RANGAP1: variants seen among roughly 807,000 people sequenced by gnomAD.
The protein encoded by RANGAP1 is ran GTPase-activating protein 1.
A neutral mutation model predicts 63.5 loss-of-function variants in RANGAP1; 38 were observed. That is an observed-to-expected ratio of 0.60 (90% CI 0.46 to 0.78). RANGAP1 has a LOEUF of 0.78. Among genes scored for constraint, RANGAP1 ranks in the 30% least tolerant of loss-of-function variants. RANGAP1 has a pLI of 0.00. For synonymous variants in RANGAP1, 329 were observed against 310.5 expected (o/e 1.06, Z -0.63); for missense variants, 630 against 740.3 (o/e 0.85, Z 1.73).
intron 1 of RANGAP1, chr22:41,285,686 G>A (rs1252321836): frequency 3.0e-6 from 3 of 985,116 alleles, no homozygotes; most frequent in African/African-American, 1.7e-5. Flanking sequence ...ATCCCCGGCG[G>A]ACTCGCACCG....
chr22:41,280,798 C>T (rs757943525), intron 2 of RANGAP1, 135 bp downstream of exon 2: 122 of 1,526,658 alleles, frequency 8.0e-5, no homozygotes, highest in Non-Finnish European at 9.5e-5. Flanking sequence ...TTAGAATAGG[C>T]CCAATGATAC....
chr22:41,270,424 C>T (rs1283545099), intron 3 of RANGAP1, among the ~76,000 whole-genome samples: 1 of 152,174 alleles, frequency 6.6e-6, no homozygotes, highest in African/African-American at 2.4e-5. Context: ...GGATTATAGG[C>T]ATGAGAGCCA....
chr22:41,283,442 G>C (rs2035599386), intron 1 of RANGAP1, among the ~76,000 whole-genome samples: 1 of 152,164 alleles, frequency 6.6e-6, no homozygotes, highest in South Asian at 2.1e-4. Context: ...CCGGGAGGCG[G>C]AGGTTGCAGT....
At chr22:41,249,656 G>A in intron 14 of RANGAP1, 73 bp downstream of exon 14, 1 of 1,555,984 alleles carries the variant, frequency 6.4e-7, no homozygotes, top group Non-Finnish European at 8.8e-7. Context: ...GAGGTTGGCG[G>A]GCATGGCTGG....
intron 10 of RANGAP1, 66 bp downstream of exon 10, chr22:41,255,955 A>G: frequency 6.7e-7 from 1 of 1,493,512 alleles, no homozygotes; most frequent in Non-Finnish European, 9.2e-7. Flanking sequence ...CTCCATCTCA[A>G]GAACAAAAGA....
At chr22:41,283,089 A>G (rs2035578337) in intron 1 of RANGAP1, among the ~76,000 whole-genome samples, 1 of 152,000 alleles carries the variant, frequency 6.6e-6, no homozygotes. Flanking sequence ...TCAAAAACAC[A>G]TTGATTACTA....
At chr22:41,297,008 C>A in the RANGAP1 span, among the ~76,000 whole-genome samples, 27 of 152,240 alleles carry the variant, frequency 1.8e-4, no homozygotes, top group African/African-American at 6.0e-4. Flanking sequence ...ATCAGGAGTT[C>A]AAGGCCAACC....
At position 41,283,279 on chromosome 22, in the gene RANGAP1, G is replaced by A. The variant is rs548406162; in HGVS notation, c.-38-2197C>T. ...TAATCTCAGCACTTTGGGAGACCGAGGCAGGTGGATCACGAGGTCAGGAGT... is the reference window on the plus strand; with the variant it reads ...TAATCTCAGCACTTTGGGAGACCGAAGCAGGTGGATCACGAGGTCAGGAGT... On this transcript the variant is annotated intron_variant, in intron 1 of 15. Transcript: ENST00000356244. Among the ~76,000 whole-genome samples, 18 of 152,018 alleles carry A rather than the reference G, an allele frequency of 1.2e-4. No individual in the cohort carries two copies. The East Asian group carries it at 3.5e-3, about 29-fold the overall frequency.
At chr22:41,283,679 G>A (rs1327254028) in intron 1 of RANGAP1, among the ~76,000 whole-genome samples, 1 of 152,194 alleles carries the variant, frequency 6.6e-6, no homozygotes, top group East Asian at 1.9e-4. Flanking sequence ...TAGGGGCAGA[G>A]GGTTGGAGAA....
the RANGAP1 span, among the ~76,000 whole-genome samples, chr22:41,293,099 T>C: frequency 6.6e-6 from 1 of 151,258 alleles, no homozygotes; most frequent in Non-Finnish European, 1.5e-5. Context: ...GCCAGGCGTG[T>C]TGGCGGGCGC....
intron 1 of RANGAP1, among the ~76,000 whole-genome samples, chr22:41,284,747 C>T (rs957308840): frequency 6.6e-6 from 1 of 152,120 alleles, no homozygotes; most frequent in African/African-American, 2.4e-5. Context: ...TGGCAGGTGC[C>T]TGCAGTCCCA....
Position 41,272,521 on chromosome 22 carries a change from A to C in RANGAP1, c.240+2079T>G, listed in dbSNP as rs149772300. 4.4e-3 allele frequency among the ~76,000 whole-genome samples: 656 copies of C among 148,954 alleles called. 7 individuals carry two copies. Among genetic ancestry groups the C allele is most frequent in the African/African-American group, 0.015 (601 of 40,504 alleles). ...TGTGTGGCTTGGCCACATCTCTGCT[A>C]TTTTTTTTTCTTTTTTTTGAGATGG... On this transcript the variant is annotated intron_variant, in intron 3 of 15. Transcript: ENST00000356244.
chr22:41,253,855 C>T (rs534297426), intron 11 of RANGAP1, among the ~76,000 whole-genome samples: 8 of 152,208 alleles, frequency 5.3e-5, no homozygotes, highest in Non-Finnish European at 1.2e-4. Flanking sequence ...TGCCTGTAAT[C>T]CCAGCACTTT....
At chr22:41,268,829 C>T (rs1407373506) in intron 3 of RANGAP1, among the ~76,000 whole-genome samples, 3 of 152,002 alleles carry the variant, frequency 2.0e-5, no homozygotes, top group Admixed American at 2.0e-4. Context: ...CCGAGGCGGG[C>T]AGATCACTTG....
In RANGAP1 at chr22:41,249,750, G is replaced by A. The variant is rs566182651; in HGVS notation, c.1551C>T (p.Leu517=). 2.0e-4 allele frequency: 321 copies of A among 1,613,844 alleles called. 3 individuals are homozygous for A. In the South Asian group the frequency reaches 3.1e-3, roughly 16 times the overall value. The stretch of plus-strand genomic sequence containing the variant: ...TCACCTTGAGCAGACCCATGTGCAC[G>A]AGCAGCCTGGTGAGGAAGGTGTTGG... ...FNSNTFLTRL[L]VHMGLLKSED... Residue 517 remains leucine (L), a synonymous_variant, in exon 14 of 16, where the codon CTC becomes CTT. Transcript: ENST00000356244.
At chr22:41,275,695 C>T (rs2035094215) in intron 2 of RANGAP1, among the ~76,000 whole-genome samples, 1 of 152,050 alleles carries the variant, frequency 6.6e-6, no homozygotes, top group South Asian at 2.1e-4. Flanking sequence ...AGGAGAATCA[C>T]CTGAACCTGG....
intron 2 of RANGAP1, among the ~76,000 whole-genome samples, chr22:41,275,384 C>T (rs768283109): frequency 6.6e-6 from 1 of 151,752 alleles, no homozygotes; most frequent in Non-Finnish European, 1.5e-5. Context: ...CCCAGCTACT[C>T]GGGAGGCTGA....
At chr22:41,281,260 G>T in intron 1 of RANGAP1, 178 bp from the exon 2 acceptor site, 2 of 815,796 alleles carry the variant, frequency 2.5e-6, no homozygotes, top group South Asian at 2.9e-5. Context: ...TCTAGAAGGT[G>T]CAGGAGGTAG....
chr22:41,288,528 G>C (rs1234918426), upstream of RANGAP1, among the ~76,000 whole-genome samples: 1 of 152,198 alleles, frequency 6.6e-6, no homozygotes, highest in African/African-American at 2.4e-5. Flanking sequence ...AGCTAGGACT[G>C]ATCGAATCAG....
Sources: allele counts gnomAD v4.1 joint callset (sites outside exome capture counted in the v4.1 genomes callset), GRCh38; gene constraint gnomAD v4.1.1; transcripts MANE v1.5; gene names NCBI Gene and HGNC (gene_info 2026-07-23, HGNC 2026-07-21).